The following INTS1 variants were observed in gnomAD, a reference collection of about 807,000 sequenced individuals.
INTS1 encodes the protein integrator complex subunit 1.
In INTS1, 137 loss-of-function variants were observed where a neutral mutation model predicts 241.6. The observed-to-expected ratio is 0.57, with a 90% CI of 0.49 to 0.65. The LOEUF (loss-of-function observed/expected upper bound fraction) is 0.65, where lower values mean the gene tolerates loss of function less well. Among genes scored for constraint, INTS1 ranks in the 30% least tolerant of loss-of-function variants. INTS1 has a pLI of 0.00. For synonymous variants in INTS1, 1,692 were observed against 1,337.8 expected (o/e 1.26, Z -5.78); for missense variants, 3,073 against 3,032.2 (o/e 1.01, Z -0.32).
Position 1,503,967 on chromosome 7 carries a change from C to T in INTS1, c.-7G>A. 1 of 1,549,932 alleles carries T rather than the reference C, an allele frequency of 6.5e-7. No individual in the cohort carries two copies. Among genetic ancestry groups the T allele is most frequent in the South Asian group, 1.2e-5 (1 of 84,150 alleles). On this transcript the variant is annotated 5_prime_UTR_variant, in exon 2 of 48. Transcript: ENST00000404767. ...TGGGCTTGGCCCGGTTCATCCTGCC[C>T]CGTCCCTCGCGGCTCCCGGCGGCTG...
At position 1,473,576 on chromosome 7, in the gene INTS1, C is replaced by A; in HGVS notation, c.5947G>T (p.Asp1983Tyr). The A allele has an allele frequency of 6.3e-7, 1 of 1,594,736 alleles. No individual in the cohort carries two copies. The highest frequency in any genetic ancestry group is 2.3e-5 in the East Asian group (1 of 43,912). ...AAISFLQKHA[D>Y]PLHDLSFDNS... ...CCCGTGGGCACTCACTGGAGCGGGTCGGCGTGCTTCTGCAGGAAGGAGATG... is the reference window on the plus strand; with the variant it reads ...CCCGTGGGCACTCACTGGAGCGGGTAGGCGTGCTTCTGCAGGAAGGAGATG... The change falls in exon 42 of 48, where the codon GAC (aspartate) becomes TAC (tyrosine). Residue 1983 changes from aspartate (D) to tyrosine (Y), a missense_variant. Asp to Tyr is a radical substitution (Grantham distance 160, BLOSUM62 -3). Transcript: ENST00000404767.
chr7:1,498,319 C>T (rs1404501530), intron 10 of INTS1, 93 bp downstream of exon 10: 3 of 1,535,178 alleles, frequency 2.0e-6, no homozygotes, highest in South Asian at 2.4e-5. Flanking sequence ...CGAAGCACTG[C>T]CAATCCACCG....
Position 1,478,851 on chromosome 7 carries a change from A to T in INTS1, c.4364T>A (p.Leu1455His). 2 of 1,610,678 alleles carry T rather than the reference A, an allele frequency of 1.2e-6. No homozygotes were observed. Among genetic ancestry groups the T allele is most frequent in the Non-Finnish European group, 1.7e-6 (2 of 1,178,684 alleles). ...CATCTGCAGGAGCACCTTCAGGAAG[A>T]GCGAGGAGAAGCCGGTGTCCTGTGG... is the stretch of plus-strand genomic sequence containing the variant. ...CVPQDTGFSS[L>H]FLKVLLQMLQ... is the part of the protein sequence containing the mutation. Residue 1455 changes from leucine (L) to histidine (H), a missense_variant, in exon 32 of 48, where the codon CTC becomes CAC. Leu to His is a moderately conservative substitution (Grantham distance 99, BLOSUM62 -3). Transcript: ENST00000404767.
chr7:1,495,557 A>C lies in INTS1; in HGVS notation c.1712-4T>G, dbSNP rs1265823929. 1.9e-6 allele frequency: 3 copies of C among 1,608,012 alleles called. No homozygotes were observed. The highest frequency in any genetic ancestry group is 1.3e-5 in the African/African-American group (1 of 74,826). On this transcript the variant is annotated splice_polypyrimidine_tract_variant and splice_region_variant and intron_variant, in intron 12 of 47. Coordinates refer to ENST00000404767, the MANE Select transcript of INTS1 (RefSeq NM_001080453.3). Reference sequence around the variant, plus strand: ...AATGAGCGGAGCACTTCCAGGTCTGAAACAGACACGCAGCTTAGTGGCCCA... The same window carrying C: ...AATGAGCGGAGCACTTCCAGGTCTGCAACAGACACGCAGCTTAGTGGCCCA...
intron 41 of INTS1, among the ~76,000 whole-genome samples, chr7:1,473,898 A>T (rs775974015): frequency 3.7e-4 from 57 of 152,210 alleles, no homozygotes; most frequent in Non-Finnish European, 5.7e-4. Context: ...ATGTGCCCAG[A>T]TGGATGAGGG....
At chr7:1,491,877 T>C (rs1278068740) in intron 16 of INTS1, among the ~76,000 whole-genome samples, 2 of 152,134 alleles carry the variant, frequency 1.3e-5, no homozygotes, top group African/African-American at 4.8e-5. Context: ...CCAGCCTAGG[T>C]GACAGACAGA....
At chr7:1,479,164 G>A (rs1187419727) in intron 31 of INTS1, among the ~76,000 whole-genome samples, 1 of 152,254 alleles carries the variant, frequency 6.6e-6, no homozygotes, top group Non-Finnish European at 1.5e-5. Flanking sequence ...ACAGTCCTAG[G>A]TACCAGCAGA....
chr7:1,472,474 G>T, intron 43 of INTS1, 88 bp from the exon 44 acceptor site: 1 of 912,494 alleles, frequency 1.1e-6, no homozygotes. Context: ...CGAGAGCACG[G>T]CGGCCACTGC....
Position 1,483,722 on chromosome 7 carries a change from C to T in INTS1, c.3541+20G>A, listed in dbSNP as rs1038620886. On this transcript the variant is annotated intron_variant, in intron 26 of 47. Transcript: ENST00000404767. ...CCACCTGGCACGAAGCTGCCCCTCCCGGGGCCTGTGGCGGCTCACCTCGAG... is the reference window on the plus strand; with the variant it reads ...CCACCTGGCACGAAGCTGCCCCTCCTGGGGCCTGTGGCGGCTCACCTCGAG... 11 of 1,597,508 alleles carry T rather than the reference C, an allele frequency of 6.9e-6. No homozygotes were observed. The highest frequency in any genetic ancestry group is 2.7e-5 in the African/African-American group (2 of 74,796).
In INTS1 at chr7:1,474,830, T is replaced by C; in HGVS notation, c.5511A>G (p.Gly1837=). The C allele has an allele frequency of 6.3e-7, 1 of 1,587,836 alleles. No homozygotes were observed. The highest frequency in any genetic ancestry group is 8.5e-7 in the Non-Finnish European group (1 of 1,169,608). ...GGAGCGTGATGAAGCGGTGGATGAG[T>C]CCGTCCAGCTGCAGGGAGGGGCGCT... ...AASSSVCKLD[G]LIHRFITLLA... is the part of the protein sequence containing the mutation. Residue 1837 remains glycine (G), a synonymous_variant, in exon 40 of 48, where the codon GGA becomes GGG. Transcript: ENST00000404767.
intron 13 of INTS1, 113 bp from the exon 14 acceptor site, chr7:1,495,006 T>A: frequency 2.4e-6 from 3 of 1,236,588 alleles, no homozygotes; most frequent in Non-Finnish European, 3.4e-6. Flanking sequence ...GAGGCCGGGC[T>A]GCCTGGTGCC....
rs1487248028 is a variant in INTS1, at chr7:1,503,918, C to G, written c.43G>C (p.Ala15Pro). The G allele has an allele frequency of 5.1e-6, 8 of 1,566,770 alleles. No individual in the cohort carries two copies. The African/African-American group carries it at 1.1e-4, about 22-fold the overall frequency. Residue 15 changes from alanine (A) to proline (P), a missense_variant, in exon 2 of 48, where the codon GCG becomes CCG. Physicochemically the swap from Ala to Pro is conservative, Grantham distance 27. Coordinates refer to ENST00000404767, the MANE Select transcript of INTS1 (RefSeq NM_001080453.3). ...KPTTVRRPSA[A>P]AKPSGHPPPG... ...GGAGACGCACCTGAGGGTTTGGCCGCGGCGCTGGGCCGGCGCACCGTGGTG... is the reference window on the plus strand; with the variant it reads ...GGAGACGCACCTGAGGGTTTGGCCGGGGCGCTGGGCCGGCGCACCGTGGTG...
chr7:1,482,222 A>C (rs1782031442), intron 27 of INTS1: 9 of 227,734 alleles, frequency 4.0e-5, no homozygotes, highest in African/African-American at 4.5e-5. Flanking sequence ...GGACCCACCC[A>C]GAGGCCCCAC....
chr7:1,482,742 C>T (rs1290624412), intron 26 of INTS1, 35 bp from the exon 27 acceptor site: 5 of 1,602,472 alleles, frequency 3.1e-6, no homozygotes, highest in Non-Finnish European at 2.6e-6. Context: ...AGCCTTCAGA[C>T]CCACCGGGGC....
rs780692540 is a variant in INTS1 at position 1,472,356 on chromosome 7, A to C, written c.6101T>G (p.Val2034Gly). Residue 2034 changes from valine to glycine, a missense_variant, in exon 44 of 48, where the codon GTC (valine) becomes GGC (glycine). Physicochemically the swap from Val to Gly is moderately radical, Grantham distance 109. Transcript: ENST00000404767. ...CAGAGGGGTGAACAGGGAGACGCTG[A>C]CCAGGGGCAAGGAGCCGGCTGAGCT... Reference protein sequence around the residue: ...EESSAGSLPLVSVSLFTPLTA... With the variant: ...EESSAGSLPLGSVSLFTPLTA... The C allele has an allele frequency of 3.2e-6, 5 of 1,569,650 alleles. No individual in the cohort carries two copies. Among genetic ancestry groups the C allele is most frequent in the Non-Finnish European group, 4.3e-6 (5 of 1,157,630 alleles).
At position 1,487,351 on chromosome 7, in the gene INTS1, G is replaced by C. The variant is rs762970223; in HGVS notation, c.2615C>G (p.Pro872Arg). The change falls in exon 20 of 48, where the codon CCT becomes CGT. Residue 872 changes from proline (P) to arginine (R), a missense_variant. Physicochemically the swap from Pro to Arg is moderately radical, Grantham distance 103. Transcript: ENST00000404767. ...CTGGATGATGTGGAGGAGAAAGTCA[G>C]GGTTTCGGCTGCGGCACAAGAGGTG... Reference protein sequence around the residue: ...LGHLLCRSRNPDFLLHIIQRQ... With the variant: ...LGHLLCRSRNRDFLLHIIQRQ... 1 of 1,606,408 alleles carries C rather than the reference G, an allele frequency of 6.2e-7. No individual in the cohort carries two copies. The highest frequency in any genetic ancestry group is 8.5e-7 in the Non-Finnish European group (1 of 1,176,966).
rs756507694 is a variant in INTS1, at chr7:1,485,137, C to T, written c.3222G>A (p.Thr1074=). The change falls in exon 24 of 48, where the codon ACG becomes ACA. Residue 1074 remains threonine (T), a synonymous_variant. Transcript: ENST00000404767. ...TGTGCTGGGCCTGCTCCTCCACAGG[C>T]GTGTGCTGGGACAAGTAGATCAGGT... ...SAYLIYLSQH[T]PVEEQAQHSD... is the part of the protein sequence containing the mutation. The T allele has an allele frequency of 8.7e-6, 14 of 1,600,998 alleles. No individual in the cohort carries two copies. Among genetic ancestry groups the T allele is most frequent in the African/African-American group, 2.7e-5 (2 of 74,908 alleles).
intron 18 of INTS1, among the ~76,000 whole-genome samples, chr7:1,489,024 C>T (rs556542755): frequency 6.6e-6 from 1 of 152,152 alleles, no homozygotes; most frequent in African/African-American, 2.4e-5. Context: ...CGTCCTCCAG[C>T]ATCGCACCAC....
intron 16 of INTS1, among the ~76,000 whole-genome samples, chr7:1,489,984 A>G (rs887040930): frequency 6.6e-6 from 1 of 152,224 alleles, no homozygotes; most frequent in Admixed American, 6.5e-5. Context: ...TCTACATGAC[A>G]TAACAGACAC....
Sources: allele counts gnomAD v4.1 joint callset (sites outside exome capture counted in the v4.1 genomes callset), GRCh38; gene constraint gnomAD v4.1.1; transcripts MANE v1.5; gene names NCBI Gene and HGNC (gene_info 2026-07-23, HGNC 2026-07-21).